Variants in SLC16A2 observed in about 807,000 individuals in gnomAD.
SLC16A2 encodes solute carrier family 16 member 2.
A neutral mutation model predicts 27.2 loss-of-function variants in SLC16A2; 3 were observed. The ratio of observed to expected loss-of-function variants is 0.11; its 90% CI spans 0.05 to 0.28. SLC16A2 has a LOEUF of 0.28. Ranked by LOEUF, SLC16A2 falls within the 10% of genes least tolerant of loss-of-function variation. SLC16A2 has a pLI of 1.00. For synonymous variants in SLC16A2, 202 were observed against 187.8 expected (o/e 1.08, Z -0.62); for missense variants, 295 against 458.5 (o/e 0.64, Z 3.26).
At chrX:74,442,737 A>T (rs1163048020) in intron 1 of SLC16A2, among the ~76,000 whole-genome samples, 1 of 112,064 alleles carries the variant, frequency 8.9e-6, no homozygotes, top group African/African-American at 3.2e-5. Flanking sequence ...CGGGTGGATC[A>T]TGAGGTCGGG....
At chrX:74,481,549 T>C (rs1602125352) in intron 1 of SLC16A2, among the ~76,000 whole-genome samples, 1 of 110,917 alleles carries the variant, frequency 9.0e-6, no homozygotes, top group African/African-American at 3.3e-5. Flanking sequence ...TTAATACTGA[T>C]GTCTCCTCTT....
At chrX:74,506,938 T>TTTA (rs1491246542) in intron 1 of SLC16A2, among the ~76,000 whole-genome samples, 375 of 15,547 alleles carry the variant, frequency 0.024, 2 homozygotes, top group African/African-American at 0.037. Flanking sequence ...TATTTATTTA[T>TTTA]TTTTTTTTTT....
intron 1 of SLC16A2, among the ~76,000 whole-genome samples, chrX:74,491,741 C>T (rs1929829823): frequency 8.9e-6 from 1 of 112,357 alleles, no homozygotes; most frequent in South Asian, 3.7e-4. Context: ...GCTATTCTTA[C>T]CAAGATGTAT....
intron 1 of SLC16A2, among the ~76,000 whole-genome samples, chrX:74,493,779 C>T (rs1219260954): frequency 9.0e-6 from 1 of 111,532 alleles, no homozygotes; most frequent in East Asian, 2.8e-4. Flanking sequence ...GGTGCAGGTG[C>T]GTGCATTCCC....
chrX:74,529,469 G>A, intron 5 of SLC16A2, 28 bp downstream of exon 5: 1 of 1,074,540 alleles, frequency 9.3e-7, no homozygotes, highest in Non-Finnish European at 1.3e-6. Context: ...GGGAGGGCAT[G>A]AATCAGGGAG....
At chrX:74,487,099 A>AT (rs1172477516) in intron 1 of SLC16A2, among the ~76,000 whole-genome samples, 1 of 109,884 alleles carries the variant, frequency 9.1e-6, no homozygotes, top group Non-Finnish European at 1.9e-5. Context: ...TTATTTATTT[A>AT]TTTTTTACCC....
intron 1 of SLC16A2, among the ~76,000 whole-genome samples, chrX:74,479,972 C>G (rs751157146): frequency 1.8e-5 from 2 of 112,322 alleles, no homozygotes; most frequent in African/African-American, 3.2e-5. Context: ...TCTCAGATCT[C>G]AAGCTGCATG....
In SLC16A2 at chrX:74,432,073, C is replaced by T. The variant is rs765359941; in HGVS notation, c.430+10006C>T. Among the ~76,000 whole-genome samples the T allele has an allele frequency of 5.6e-4, 63 of 111,700 alleles. 2 individuals are homozygous for T. Among genetic ancestry groups the T allele is most frequent in the African/African-American group, 2.0e-3 (61 of 30,754 alleles). On this transcript the variant is annotated intron_variant, in intron 1 of 5. Transcript: ENST00000587091. ...GAAGCAAGGCATGTTGAAATATTTA[C>T]AGCACTTGGCAGGAGCTCACAAACC...
intron 1 of SLC16A2, among the ~76,000 whole-genome samples, chrX:74,467,426 C>T: frequency 9.0e-6 from 1 of 111,347 alleles, no homozygotes; most frequent in South Asian, 3.8e-4. Flanking sequence ...AGACCAATAA[C>T]CTAGACTTTG....
intron 1 of SLC16A2, among the ~76,000 whole-genome samples, chrX:74,430,325 G>A (rs1037590417): frequency 1.8e-4 from 20 of 111,977 alleles, no homozygotes; most frequent in African/African-American, 6.5e-4. Flanking sequence ...CCTGCTTTTA[G>A]ACCTCACCTA....
chrX:74,531,912 T>C lies in SLC16A2; in HGVS notation c.*359T>C, dbSNP rs1930575467. 3.5e-6 allele frequency: 1 copy of C among 285,171 alleles called. No individual in the cohort carries two copies. Among genetic ancestry groups the C allele is most frequent in the African/African-American group, 2.7e-5 (1 of 37,141 alleles). The allele number at this position is 285,171 out of a possible 1,213,427, so 23.5% of individuals were successfully genotyped here. On this transcript the variant is annotated 3_prime_UTR_variant, in exon 6 of 6. Transcript: ENST00000587091. The stretch of plus-strand genomic sequence containing the variant: ...CACTATAATCAACTGCCAAAGGTGC[T>C]ACTGTGTCCCCAGGAGCCTAATAGG...
chrX:74,459,094 G>T (rs1371354993), intron 1 of SLC16A2, among the ~76,000 whole-genome samples: 1 of 102,861 alleles, frequency 9.7e-6, no homozygotes, highest in Non-Finnish European at 2.0e-5. Flanking sequence ...GTGGTGGATG[G>T]ACTAGAGTGC....
intron 1 of SLC16A2, among the ~76,000 whole-genome samples, chrX:74,508,303 G>A (rs1930170363): frequency 8.9e-6 from 1 of 111,866 alleles, no homozygotes; most frequent in South Asian, 3.7e-4. Context: ...CAGAACAATT[G>A]GAGAGAATTG....
At chrX:74,475,346 ATTTG>A (rs1267225460) in intron 1 of SLC16A2, among the ~76,000 whole-genome samples, 2 of 109,650 alleles carry the variant, frequency 1.8e-5, no homozygotes, top group Non-Finnish European at 3.8e-5. Flanking sequence ...TTTCTTGTAA[ATTTG>A]TTTGAGTTCA....
At chrX:74,463,191 C>T (rs1929186502) in intron 1 of SLC16A2, among the ~76,000 whole-genome samples, 1 of 111,682 alleles carries the variant, frequency 9.0e-6, no homozygotes, top group African/African-American at 3.3e-5. Context: ...TGACAAGTGC[C>T]TCCATCACAT....
At position 74,515,390 on chromosome X, in the gene SLC16A2, A is replaced by G. The variant is rs549689127; in HGVS notation, c.431-5600A>G. Among the ~76,000 whole-genome samples the G allele has an allele frequency of 8.6e-4, 95 of 110,995 alleles. 2 individuals carry two copies. In the South Asian group the frequency reaches 0.035, roughly 41 times the overall value. On this transcript the variant is annotated intron_variant, in intron 1 of 5. Coordinates refer to ENST00000587091, the MANE Select transcript of SLC16A2 (RefSeq NM_006517.5). ...AAAATAGATTGAAAAAAATGGAAAG[A>G]GCCTCAGATGCCTGTGAGGTTATAA...
At chrX:74,520,096 A>C (rs967310626) in intron 1 of SLC16A2, among the ~76,000 whole-genome samples, 4 of 112,254 alleles carry the variant, frequency 3.6e-5, no homozygotes, top group Non-Finnish European at 7.5e-5. Flanking sequence ...GGGCTCCACA[A>C]TTGGAGAGAG....
chrX:74,421,760 C>T lies in SLC16A2; in HGVS notation c.123C>T (p.Pro41=), dbSNP rs369603991. The change falls in exon 1 of 6, where the codon CCC becomes CCT. Residue 41 remains proline (P), a synonymous_variant. Transcript: ENST00000587091. ...CTGAGCCGGAGCCTGAGCCCGAGCC[C>T]GAGCCCGTGCCAGTGCCCCCGCCCG... ...PESEPEPEPE[P]EPVPVPPPEP... is the part of the protein sequence containing the mutation. 1.8e-3 allele frequency: 2,104 copies of T among 1,144,911 alleles called. 21 individuals are homozygous for T. The African/African-American group carries it at 0.035, about 19-fold the overall frequency. The allele number at this position is 1,144,911 out of a possible 1,213,427, so 94.4% of individuals were successfully genotyped here. A position where few individuals can be genotyped will look rare whatever the true frequency, so the allele number is the denominator to read the frequency against.
chrX:74,528,880 A>G (rs928068076), intron 4 of SLC16A2, among the ~76,000 whole-genome samples: 3 of 112,029 alleles, frequency 2.7e-5, no homozygotes, highest in African/African-American at 9.8e-5. Flanking sequence ...GAAGCCAAAT[A>G]CAGGCTCAGA....
Sources: gnomAD v4.1 joint callset for allele counts (sites outside exome capture counted in the v4.1 genomes callset) on GRCh38, gnomAD v4.1.1 for gene constraint, MANE v1.5 for transcripts, NCBI Gene and HGNC (gene_info 2026-07-23, HGNC 2026-07-21) for gene names.